Variants in FRYL observed in about 807,000 individuals in gnomAD.
The protein encoded by FRYL is FRY like transcription coactivator, also known as protein furry homolog-like.
Under a neutral mutation model 351.2 loss-of-function variants are expected in FRYL, and 150 were observed. The ratio of observed to expected loss-of-function variants is 0.43; its 90% CI spans 0.37 to 0.49. The LOEUF is 0.49. Among genes scored for constraint, FRYL ranks in the 20% least tolerant of loss-of-function variants. The pLI, the probability that FRYL is intolerant of heterozygous loss-of-function variation, is 0.00. For missense variants in FRYL, 3,036 were observed against 3,619.3 expected (o/e 0.84, Z 4.13); for synonymous variants, 1,153 against 1,257.1 (o/e 0.92, Z 1.75).
intron 3 of FRYL, among the ~76,000 whole-genome samples, chr4:48,655,985 G>A (rs1020728835): frequency 1.2e-4 from 17 of 137,514 alleles, no homozygotes; most frequent in African/African-American, 3.9e-4. Context: ...TATATATAAT[G>A]TGCAATATAT....
intron 47 of FRYL, 123 bp from the exon 48 acceptor site, chr4:48,535,950 C>T (rs1728782967): frequency 1.4e-6 from 1 of 714,376 alleles, no homozygotes; most frequent in Non-Finnish European, 2.1e-6. Context: ...ATGCATTTTA[C>T]TTCAATACGT....
intron 23 of FRYL, among the ~76,000 whole-genome samples, chr4:48,578,720 A>C (rs1382927560): frequency 6.6e-6 from 1 of 152,222 alleles, no homozygotes; most frequent in Non-Finnish European, 1.5e-5. Flanking sequence ...GATGGACACA[A>C]CTATGTACCA....
intron 1 of FRYL, among the ~76,000 whole-genome samples, chr4:48,756,097 G>A (rs1472887473): frequency 6.6e-6 from 1 of 151,894 alleles, no homozygotes; most frequent in African/African-American, 2.4e-5. Flanking sequence ...GCCATGCGTG[G>A]TGGCACATGC....
intron 2 of FRYL, among the ~76,000 whole-genome samples, chr4:48,699,572 T>C (rs1766524387): frequency 6.6e-6 from 1 of 152,220 alleles, no homozygotes; most frequent in South Asian, 2.1e-4. Flanking sequence ...TTCTCAAAGA[T>C]GGATGCTAAC....
rs1290362429 is a variant in FRYL, at chr4:48,759,550, C to T, written c.-384+20528G>A. Among the ~76,000 whole-genome samples, 6 of 152,216 alleles carry T rather than the reference C, an allele frequency of 3.9e-5. No individual in the cohort carries two copies. The East Asian group carries it at 5.8e-4, about 15-fold the overall frequency. ...TTCAAGATGTCAGCAGCTAAGAATC[C>T]GTTTTCTTGGCTTTAGAAGTTTAGA... On this transcript the variant is annotated intron_variant, in intron 1 of 63. Coordinates refer to ENST00000358350, the MANE Select transcript of FRYL (RefSeq NM_015030.2).
intron 1 of FRYL, among the ~76,000 whole-genome samples, chr4:48,764,647 C>T (rs561877237): frequency 1.1e-4 from 17 of 151,890 alleles, no homozygotes; most frequent in East Asian, 3.9e-4. Context: ...AGAATACTTA[C>T]GAATAAATTT....
intron 26 of FRYL, chr4:48,571,696 C>T: frequency 1.0e-6 from 1 of 984,368 alleles, no homozygotes; most frequent in Non-Finnish European, 1.2e-6. Flanking sequence ...TTACTTTTCT[C>T]TTGGCTCTTT....
chr4:48,628,569 T>C (rs1185680380), intron 4 of FRYL, among the ~76,000 whole-genome samples: 1 of 151,662 alleles, frequency 6.6e-6, no homozygotes, highest in Non-Finnish European at 1.5e-5. Flanking sequence ...GAATACAAAA[T>C]TACGACTAGA....
intron 3 of FRYL, among the ~76,000 whole-genome samples, chr4:48,683,218 A>G (rs1036778326): frequency 6.7e-6 from 1 of 148,420 alleles, no homozygotes; most frequent in Admixed American, 6.7e-5. Flanking sequence ...GAGTTGAACA[A>G]TGAGAACACA....
chr4:48,637,901 A>G (rs1350104646), intron 3 of FRYL: 1 of 152,146 alleles, frequency 6.6e-6, no homozygotes, highest in Non-Finnish European at 1.5e-5. Context: ...GAAGAGAAAT[A>G]ACGTATAACT....
chr4:48,735,944 AC>A (rs1771321019), intron 1 of FRYL, among the ~76,000 whole-genome samples: 1 of 103,360 alleles, frequency 9.7e-6, no homozygotes, highest in African/African-American at 3.8e-5. Flanking sequence ...CACAATGTGC[AC>A]ATGTACCCTA....
At chr4:48,510,285 C>G (rs1364540455) in intron 58 of FRYL, 128 bp from the exon 59 acceptor site, 1 of 685,276 alleles carries the variant, frequency 1.5e-6, no homozygotes, top group South Asian at 1.7e-5. Context: ...TAACTCTACT[C>G]TGTCCCATAC....
At chr4:48,600,543 A>G (rs1745489335) in intron 13 of FRYL, among the ~76,000 whole-genome samples, 1 of 152,212 alleles carries the variant, frequency 6.6e-6, no homozygotes, top group Non-Finnish European at 1.5e-5. Context: ...CATTTAAATG[A>G]AAGCCTTAAG....
At chr4:48,705,942 T>C (rs1767294652) in intron 2 of FRYL, among the ~76,000 whole-genome samples, 1 of 152,196 alleles carries the variant, frequency 6.6e-6, no homozygotes, top group African/African-American at 2.4e-5. Flanking sequence ...GTTCAAGCGA[T>C]TCTCCTGCCT....
At chr4:48,700,198 T>C (rs1166185242) in intron 2 of FRYL, among the ~76,000 whole-genome samples, 2 of 152,172 alleles carry the variant, frequency 1.3e-5, no homozygotes, top group South Asian at 2.1e-4. Flanking sequence ...ATGCAGTTAT[T>C]ACAGAAAAAC....
Position 48,557,489 on chromosome 4 carries a change from T to A in FRYL, c.4089A>T (p.Ala1363=). ...GEGWGSPQAT[A]MVLNNLMYMT... The stretch of plus-strand genomic sequence containing the variant: ...TATACATCAGATTGTTCAAAACCAT[T>A]GCAGTGGCTTGTGGAGATCCCCATC... Residue 1363 remains alanine, a synonymous_variant, in exon 34 of 64, where the codon GCA becomes GCT. Transcript: ENST00000358350. The A allele has an allele frequency of 6.2e-7, 1 of 1,614,210 alleles. No individual in the cohort carries two copies. Among genetic ancestry groups the A allele is most frequent in the Non-Finnish European group, 8.5e-7 (1 of 1,180,032 alleles).
chr4:48,662,661 C>A (rs184486946), intron 3 of FRYL, among the ~76,000 whole-genome samples: 1 of 150,168 alleles, frequency 6.7e-6, no homozygotes, highest in Non-Finnish European at 1.5e-5. Context: ...CACAGTGGCG[C>A]GTGCATGTAA....
chr4:48,736,850 GAAAAAAAAA>G (rs368006420), intron 1 of FRYL, among the ~76,000 whole-genome samples: 5 of 40,614 alleles, frequency 1.2e-4, no homozygotes, highest in Admixed American at 7.6e-4. Flanking sequence ...ACTCTGTCTC[GAAAAAAAAA>G]AAAAAAAAAA....
chr4:48,512,695 A>G lies in FRYL; in HGVS notation c.7938-7T>C. 1 of 1,596,554 alleles carries G rather than the reference A, an allele frequency of 6.3e-7. No homozygotes were observed. The highest frequency in any genetic ancestry group is 8.6e-7 in the Non-Finnish European group (1 of 1,164,108). ...TTGCTCTTCTTCATCTTGACTATTA[A>G]CACAGATATCATAAATATCATAACA... On this transcript the variant is annotated splice_polypyrimidine_tract_variant and splice_region_variant and intron_variant, in intron 56 of 63. Transcript: ENST00000358350.
Sources: allele counts gnomAD v4.1 joint callset (sites outside exome capture counted in the v4.1 genomes callset), GRCh38; gene constraint gnomAD v4.1.1; transcripts MANE v1.5; gene names NCBI Gene and HGNC (gene_info 2026-07-23, HGNC 2026-07-21).